The following SSX2IP variants were observed in gnomAD, a reference collection of about 807,000 sequenced individuals.
SSX2IP encodes SSX family member 2 interacting protein, also known as afadin- and alpha-actinin-binding protein.
Under a neutral mutation model 84.9 loss-of-function variants are expected in SSX2IP, and 55 were observed. The ratio of observed to expected loss-of-function variants is 0.65; its 90% CI spans 0.52 to 0.81. SSX2IP has a LOEUF of 0.81. Ranked by LOEUF, SSX2IP falls within the 30% of genes least tolerant of loss-of-function variation. The pLI, the probability that SSX2IP is intolerant of heterozygous loss-of-function variation, is 0.00. For missense variants in SSX2IP, 664 were observed against 705.2 expected (o/e 0.94, Z 0.66); for synonymous variants, 239 against 234.7 (o/e 1.02, Z -0.17).
rs1198064839 is a variant in SSX2IP at position 84,670,552 on chromosome 1, C to T, written c.213+94G>A. 6.6e-6 allele frequency: 6 copies of T among 911,780 alleles called. 1 individual carries two copies. Among genetic ancestry groups the T allele is most frequent in the African/African-American group, 3.4e-5 (2 of 58,618 alleles). 56.5% of individuals were successfully genotyped at this position (911,780 alleles called of 1,614,324 possible). ...AGTCTCAGGGGCACTACATAAACAACAAACTTGTGTTTGACAAATGTTTTT... is the reference window on the plus strand; with the variant it reads ...AGTCTCAGGGGCACTACATAAACAATAAACTTGTGTTTGACAAATGTTTTT... On this transcript the variant is annotated intron_variant, in intron 3 of 13. Coordinates refer to ENST00000342203, the MANE Select transcript of SSX2IP (RefSeq NM_001166293.2).
At chr1:84,690,011 C>G (rs913326325) in intron 1 of SSX2IP, 4 of 152,420 alleles carry the variant, frequency 2.6e-5, no homozygotes, top group African/African-American at 9.7e-5. Flanking sequence ...CCTCCTCCCC[C>G]ACGTCCCCGC....
chr1:84,655,826 A>C lies in SSX2IP; in HGVS notation c.1389+6T>G. On this transcript the variant is annotated splice_donor_region_variant and intron_variant, in intron 11 of 13. Transcript: ENST00000342203. ...TTTTCAAAAGCACTACAATTGTTTA[A>C]AATACCTCCAATCCCAGGCGAATAG... 3 of 1,612,162 alleles carry C rather than the reference A, an allele frequency of 1.9e-6. No individual in the cohort carries two copies. Among genetic ancestry groups the C allele is most frequent in the Non-Finnish European group, 2.5e-6 (3 of 1,179,162 alleles).
chr1:84,652,960 A>C (rs1057076375), intron 11 of SSX2IP, among the ~76,000 whole-genome samples: 8 of 152,176 alleles, frequency 5.3e-5, no homozygotes, highest in African/African-American at 1.9e-4. Context: ...TGAACCCAGG[A>C]GGCAGAGCCT....
At position 84,662,360 on chromosome 1, in the gene SSX2IP, C is replaced by G; in HGVS notation, c.765G>C (p.Met255Ile). 1 of 1,606,936 alleles carries G rather than the reference C, an allele frequency of 6.2e-7. No homozygotes were observed. Among genetic ancestry groups the G allele is most frequent in the Non-Finnish European group, 8.5e-7 (1 of 1,177,500 alleles). ...CATAATCATTCAAGAGAATTTTATACATTTCATCTTCATTCCTGAGAAAGA... is the reference window on the plus strand; with the variant it reads ...CATAATCATTCAAGAGAATTTTATAGATTTCATCTTCATTCCTGAGAAAGA... The part of the protein sequence containing the change: ...GKTEARNEDE[M>I]YKILLNDYEY... Residue 255 changes from methionine (M) to isoleucine (I), a missense_variant, in exon 8 of 14, where the codon ATG (methionine) becomes ATC (isoleucine). Physicochemically the swap from Met to Ile is conservative, Grantham distance 10 (BLOSUM62 1). Coordinates refer to ENST00000342203, the MANE Select transcript of SSX2IP (RefSeq NM_001166293.2).
intron 1 of SSX2IP, among the ~76,000 whole-genome samples, chr1:84,674,268 A>G (rs951352166): frequency 6.6e-6 from 1 of 152,138 alleles, no homozygotes; most frequent in Non-Finnish European, 1.5e-5. Flanking sequence ...CATAGAAGAC[A>G]CACATAAGCT....
chr1:84,646,692 C>A lies in SSX2IP; in HGVS notation c.*741G>T, dbSNP rs912556723. 2.0e-5 allele frequency: 3 copies of A among 152,454 alleles called. No homozygotes were observed. The highest frequency in any genetic ancestry group is 4.4e-5 in the Non-Finnish European group (3 of 67,978). The allele number at this position is 152,454 out of a possible 1,614,324, so 9.4% of individuals were successfully genotyped here. ...CATATACAAAATAAAAATCTAATGTCATAAAAATCTCAAAAATGTAATGTT... is the reference window on the plus strand; with the variant it reads ...CATATACAAAATAAAAATCTAATGTAATAAAAATCTCAAAAATGTAATGTT... On this transcript the variant is annotated 3_prime_UTR_variant, in exon 14 of 14. Coordinates refer to ENST00000342203, the MANE Select transcript of SSX2IP (RefSeq NM_001166293.2).
intron 8 of SSX2IP, among the ~76,000 whole-genome samples, chr1:84,660,388 G>C (rs1651769414): frequency 1.3e-5 from 2 of 152,142 alleles, no homozygotes; most frequent in African/African-American, 4.8e-5. Flanking sequence ...AGACGTTAAG[G>C]TTGGACCAAA....
At chr1:84,689,403 C>T (rs927388104) in intron 1 of SSX2IP, among the ~76,000 whole-genome samples, 2 of 152,198 alleles carry the variant, frequency 1.3e-5, no homozygotes, top group African/African-American at 4.8e-5. Flanking sequence ...TACACCTTGA[C>T]TCTAATCTGA....
intron 5 of SSX2IP, among the ~76,000 whole-genome samples, chr1:84,665,308 T>C (rs1652621981): frequency 6.6e-6 from 1 of 152,142 alleles, no homozygotes; most frequent in African/African-American, 2.4e-5. Flanking sequence ...ACAGTTTAAA[T>C]ACTAATTACC....
At chr1:84,650,276 A>G in intron 13 of SSX2IP, 86 bp downstream of exon 13, 1 of 1,340,082 alleles carries the variant, frequency 7.5e-7, no homozygotes, top group Non-Finnish European at 1.1e-6. Context: ...ATTGTTGCTA[A>G]TACTACAGAC....
In SSX2IP at chr1:84,669,700, C is replaced by T. The variant is rs765868428; in HGVS notation, c.407G>A (p.Ser136Asn). Residue 136 changes from serine (S) to asparagine (N), a missense_variant, in exon 4 of 14, where the codon AGC becomes AAC. Physicochemically the swap from Ser to Asn is conservative, Grantham distance 46. Transcript: ENST00000342203. ...KLGSDMDHLQ[S>N]CYSKLKEQLE... ...TTCTACCTTAAGTTTTGAGTAGCAG[C>T]TCTGTAGATGGTCCATATCACTTCC... The T allele has an allele frequency of 6.2e-7, 1 of 1,613,624 alleles. No homozygotes were observed. Among genetic ancestry groups the T allele is most frequent in the Non-Finnish European group, 8.5e-7 (1 of 1,179,676 alleles).
At chr1:84,667,369 C>T (rs574436887) in intron 4 of SSX2IP, among the ~76,000 whole-genome samples, 2 of 152,182 alleles carry the variant, frequency 1.3e-5, no homozygotes, top group Admixed American at 1.3e-4. Context: ...CTTAAGTGTT[C>T]GTCAGATCTC....
chr1:84,656,368 T>A lies in SSX2IP; in HGVS notation c.1195A>T (p.Thr399Ser). The change falls in exon 10 of 14, where the codon ACT (threonine) becomes TCT (serine). Residue 399 changes from threonine to serine, a missense_variant. Transcript: ENST00000342203. ...EIQQCKEMIK[T>S]QQQLLQQQLA... ...TTCACCTGTAAAAGCTGTTGCTGAG[T>A]TTTAATCATTTCTTTACACTGCTGA... The A allele has an allele frequency of 6.2e-7, 1 of 1,611,640 alleles. No individual in the cohort carries two copies. Among genetic ancestry groups the A allele is most frequent in the Non-Finnish European group, 8.5e-7 (1 of 1,179,288 alleles).
At chr1:84,648,637 ATG>A (rs1301958200) in intron 13 of SSX2IP, among the ~76,000 whole-genome samples, 1 of 152,346 alleles carries the variant, frequency 6.6e-6, no homozygotes, top group East Asian at 1.9e-4. Flanking sequence ...TGAGACAACT[ATG>A]TTATGCTATC....
At chr1:84,685,613 A>AAT (rs1351305851) in intron 1 of SSX2IP, among the ~76,000 whole-genome samples, 4 of 152,244 alleles carry the variant, frequency 2.6e-5, no homozygotes, top group African/African-American at 9.6e-5. Flanking sequence ...TTAACCTGGA[A>AAT]AGACTAAAAA....
At chr1:84,672,425 C>T (rs963693309) in intron 1 of SSX2IP, among the ~76,000 whole-genome samples, 1 of 150,220 alleles carries the variant, frequency 6.7e-6, no homozygotes, top group Non-Finnish European at 1.5e-5. Flanking sequence ...AAAAAAAAAA[C>T]TCTATGTATT....
At chr1:84,661,177 CAAAAT>C (rs1487373111) in intron 8 of SSX2IP, among the ~76,000 whole-genome samples, 2 of 150,664 alleles carry the variant, frequency 1.3e-5, no homozygotes, top group East Asian at 3.9e-4. Flanking sequence ...TGTGATACCA[CAAAAT>C]AAATAATCCT....
intron 1 of SSX2IP, among the ~76,000 whole-genome samples, chr1:84,675,315 GAA>G (rs1211940273): frequency 6.6e-6 from 1 of 152,134 alleles, no homozygotes. Context: ...TACCTTAGGA[GAA>G]AAAAGTAAGC....
intron 4 of SSX2IP, among the ~76,000 whole-genome samples, chr1:84,668,993 A>G (rs74098431): frequency 2.6e-5 from 4 of 152,126 alleles, no homozygotes; most frequent in African/African-American, 4.8e-5. Context: ...ATATACAACT[A>G]TAAGTCCCAA....
Sources: allele counts gnomAD v4.1 joint callset (sites outside exome capture counted in the v4.1 genomes callset), GRCh38; gene constraint gnomAD v4.1.1; transcripts MANE v1.5; gene names NCBI Gene and HGNC (gene_info 2026-07-23, HGNC 2026-07-21).